TEK: variants seen among roughly 807,000 people sequenced by gnomAD.
The protein encoded by TEK is angiopoietin-1 receptor.
In TEK, 43 loss-of-function variants were observed where a neutral mutation model predicts 131.8. That is an observed-to-expected ratio of 0.33 (90% confidence interval 0.26 to 0.42). TEK has a LOEUF of 0.42. Ranked by LOEUF, TEK falls within the 10% of genes least tolerant of loss-of-function variation. The pLI is 1.00. For synonymous variants in TEK, 580 were observed against 491.6 expected (o/e 1.18, Z -2.38); for missense variants, 1,162 against 1,384.4 (o/e 0.84, Z 2.55).
chr9:27,204,235 C>T lies in TEK; in HGVS notation c.2210-676C>T, dbSNP rs897352028. On this transcript the variant is annotated intron_variant, in intron 13 of 22. Coordinates refer to ENST00000380036, the MANE Select transcript of TEK (RefSeq NM_000459.5). ...GAAGAGAGGGATACTTTTAAGAGGA[C>T]GAGATCATGTTCTATGTGCTATTGC... 2.6e-4 allele frequency among the ~76,000 whole-genome samples: 40 copies of T among 152,020 alleles called. 1 individual carries two copies. Among genetic ancestry groups the T allele is most frequent in the Non-Finnish European group, 1.0e-4 (7 of 68,004 alleles).
intron 4 of TEK, among the ~76,000 whole-genome samples, chr9:27,171,966 T>A (rs1315504750): frequency 2.0e-5 from 3 of 152,168 alleles, no homozygotes; most frequent in Non-Finnish European, 2.9e-5. Context: ...ATGGGGTACA[T>A]CTTCTAGGAA....
chr9:27,168,629 C>T (rs781105569), intron 3 of TEK, 24 bp downstream of exon 3: 1 of 1,481,014 alleles, frequency 6.8e-7, no homozygotes, highest in Non-Finnish European at 9.4e-7. Flanking sequence ...TCATTGCTTT[C>T]CCCAGTATGA....
At chr9:27,172,400 A>G (rs1304486751) in intron 4 of TEK, among the ~76,000 whole-genome samples, 1 of 152,180 alleles carries the variant, frequency 6.6e-6, no homozygotes, top group Non-Finnish European at 1.5e-5. Flanking sequence ...TCTATCCACC[A>G]GACAGAGTTA....
chr9:27,195,534 C>CATAGGAGTGATTGTGTCCCTACTGAG, intron 11 of TEK: 1 of 411,368 alleles, frequency 2.4e-6, no homozygotes, highest in Non-Finnish European at 4.8e-6. Context: ...TTTTTTGCCC[C>CATAGGAGTGATTGTGTCCCTACTGAG]ATAGGAGTGA....
chr9:27,166,010 T>A (rs1227751801), intron 2 of TEK, among the ~76,000 whole-genome samples: 2 of 152,254 alleles, frequency 1.3e-5, no homozygotes, highest in Non-Finnish European at 2.9e-5. Context: ...CGCACAGCGC[T>A]TGATTAGTCT....
At chr9:27,147,107 T>C (rs989440225) in intron 1 of TEK, among the ~76,000 whole-genome samples, 8 of 152,176 alleles carry the variant, frequency 5.3e-5, no homozygotes, top group Admixed American at 2.6e-4. Flanking sequence ...GATACGTAAG[T>C]GTATGTTTAA....
At position 27,203,075 on chromosome 9, in the gene TEK, A is replaced by G. The variant is rs759976151; in HGVS notation, c.2165A>G (p.Asn722Ser). Residue 722 changes from asparagine to serine, a missense_variant, in exon 13 of 23, where the codon AAC becomes AGC. Asn to Ser is a conservative substitution (Grantham distance 46). Transcript: ENST00000380036. ...IFAENNIGSS[N>S]PAFSHELVTL... ...GCAGAGAACAACATAGGGTCAAGCA[A>G]CCCAGCCTTTTCTCATGAACTGGTG... 5.6e-6 allele frequency: 9 copies of G among 1,614,146 alleles called. No homozygotes were observed. The highest frequency in any genetic ancestry group is 4.5e-5 in the East Asian group (2 of 44,870).
At chr9:27,218,847 G>T (rs1184702609) in intron 20 of TEK, 30 bp downstream of exon 20, 2 of 1,610,698 alleles carry the variant, frequency 1.2e-6, no homozygotes, top group African/African-American at 2.7e-5. Context: ...TACCAGGTGA[G>T]ACTCTAGGCA....
rs1190642766 is a variant in TEK at position 27,230,152 on chromosome 9, ATGTCT to A, written c.*923_*927del. Reference sequence around the variant, plus strand: ...GCACTGATATATCATGAGTGAATAAATGTCTTGCCTACTCACGTCTCATCCAGGAG... The same window carrying A: ...GCACTGATATATCATGAGTGAATAAATGCCTACTCACGTCTCATCCAGGAG... On this transcript the variant is annotated 3_prime_UTR_variant, in exon 23 of 23. Transcript: ENST00000380036. 5 of 152,290 alleles carry A rather than the reference ATGTCT, an allele frequency of 3.3e-5. No homozygotes were observed. In the South Asian group the frequency reaches 6.2e-4, roughly 19 times the overall value. 9.4% of individuals were successfully genotyped at this position (152,290 alleles called of 1,614,324 possible).
intron 1 of TEK, among the ~76,000 whole-genome samples, chr9:27,144,932 C>A (rs1204677385): frequency 6.6e-6 from 1 of 152,134 alleles, no homozygotes; most frequent in Non-Finnish European, 1.5e-5. Context: ...ATTTCATTGT[C>A]AGGTTGAACA....
chr9:27,169,140 A>C (rs959941320), intron 3 of TEK, among the ~76,000 whole-genome samples: 1 of 152,100 alleles, frequency 6.6e-6, no homozygotes, highest in African/African-American at 2.4e-5. Context: ...CTCCTGGTTA[A>C]TTGGTTAGTT....
intron 21 of TEK, among the ~76,000 whole-genome samples, chr9:27,226,409 G>T (rs531989851): frequency 6.6e-6 from 1 of 152,178 alleles, no homozygotes; most frequent in Non-Finnish European, 1.5e-5. Context: ...CCATAAGAAA[G>T]GATGAGTTCT....
intron 6 of TEK, 94 bp downstream of exon 6, chr9:27,173,456 G>C: frequency 6.6e-7 from 1 of 1,514,840 alleles, no homozygotes; most frequent in Non-Finnish European, 9.1e-7. Context: ...GATATACCTG[G>C]ACTGCTTAGC....
chr9:27,176,483 T>C (rs1216361534), intron 6 of TEK, among the ~76,000 whole-genome samples: 1 of 152,240 alleles, frequency 6.6e-6, no homozygotes, highest in East Asian at 1.9e-4. Context: ...TGCTTATTAA[T>C]AGTTCTTAAC....
chr9:27,223,441 G>T (rs4879267), intron 21 of TEK, among the ~76,000 whole-genome samples: 92,569 of 152,012 alleles, frequency 0.61, 28,947 homozygotes, highest in Non-Finnish European at 0.68. Flanking sequence ...TGCAATCAAA[G>T]TAGAACTCAG....
chr9:27,142,471 C>T (rs541804738), intron 1 of TEK, among the ~76,000 whole-genome samples: 5 of 152,310 alleles, frequency 3.3e-5, no homozygotes, highest in South Asian at 4.1e-4. Context: ...ACTGTGAAAA[C>T]GGAAATGGGG....
chr9:27,114,580 TA>T (rs999230768), intron 1 of TEK, among the ~76,000 whole-genome samples: 11 of 150,522 alleles, frequency 7.3e-5, no homozygotes, highest in African/African-American at 2.2e-4. Context: ...CAAAAAAAAA[TA>T]AAAAAAAATT....
chr9:27,178,638 C>T lies in TEK; in HGVS notation c.902-1602C>T, dbSNP rs183731318. Among the ~76,000 whole-genome samples, 4 of 152,218 alleles carry T rather than the reference C, an allele frequency of 2.6e-5. No homozygotes were observed. The East Asian group carries it at 7.7e-4, about 29-fold the overall frequency. ...AATCATCATAGCCCCAAAAGACAAG[C>T]TTTTGCATTAATTTTTGGTTAGAAG... On this transcript the variant is annotated intron_variant, in intron 6 of 22. Transcript: ENST00000380036.
Position 27,179,041 on chromosome 9 carries a change from G to A in TEK, c.902-1199G>A, listed in dbSNP as rs572271192. 5.3e-5 allele frequency among the ~76,000 whole-genome samples: 8 copies of A among 152,202 alleles called. No homozygotes were observed. In the South Asian group the frequency reaches 1.7e-3, roughly 32 times the overall value. On this transcript the variant is annotated intron_variant, in intron 6 of 22. Coordinates refer to ENST00000380036, the MANE Select transcript of TEK (RefSeq NM_000459.5). Reference sequence around the variant, plus strand: ...AAACCATTATTTCTTCAAATATTTTGTCTAACCCTTTCTCTCTGGTCCTTC... The same window carrying A: ...AAACCATTATTTCTTCAAATATTTTATCTAACCCTTTCTCTCTGGTCCTTC...
Sources: allele counts gnomAD v4.1 joint callset (sites outside exome capture counted in the v4.1 genomes callset), GRCh38; gene constraint gnomAD v4.1.1; transcripts MANE v1.5; gene names NCBI Gene and HGNC (gene_info 2026-07-23, HGNC 2026-07-21).